Variants in ULK4 observed in about 807,000 individuals in gnomAD.
The protein encoded by ULK4 is inactive serine/threonine-protein kinase ULK4.
In ULK4, 133 loss-of-function variants were observed where a neutral mutation model predicts 160.6. The ratio of observed to expected loss-of-function variants is 0.83; its 90% confidence interval spans 0.72 to 0.96. The LOEUF (loss-of-function observed/expected upper bound fraction) is 0.96, where lower values mean the gene tolerates loss of function less well. Ranked by LOEUF, ULK4 falls within the 40% of genes least tolerant of loss-of-function variation. The pLI, the probability that ULK4 is intolerant of heterozygous loss-of-function variation, is 0.00. For synonymous variants in ULK4, 534 were observed against 539.8 expected (o/e 0.99, Z 0.15); for missense variants, 1,580 against 1,499.5 (o/e 1.05, Z -0.89).
chr3:41,872,866 A>G (rs1305104096), intron 17 of ULK4, among the ~76,000 whole-genome samples: 2 of 152,220 alleles, frequency 1.3e-5, no homozygotes, highest in Non-Finnish European at 2.9e-5. Context: ...AAAAATCAAC[A>G]AACTTCGGCT....
chr3:41,927,216 T>G (rs996508192), intron 5 of ULK4, among the ~76,000 whole-genome samples: 1 of 152,198 alleles, frequency 6.6e-6, no homozygotes, highest in Non-Finnish European at 1.5e-5. Context: ...GAAAAGAATT[T>G]TCAACCCAGA....
intron 21 of ULK4, among the ~76,000 whole-genome samples, chr3:41,754,949 T>C (rs1269604914): frequency 1.3e-5 from 2 of 152,268 alleles, no homozygotes; most frequent in East Asian, 1.9e-4. Flanking sequence ...TTAACAGATA[T>C]AAAGACAATA....
intron 31 of ULK4, among the ~76,000 whole-genome samples, chr3:41,588,227 A>T (rs775430949): frequency 1.3e-5 from 2 of 152,220 alleles, no homozygotes; most frequent in Non-Finnish European, 2.9e-5. Context: ...TACATAGATT[A>T]TCTGACTGAC....
At chr3:41,341,161 G>A (rs941448185) in intron 35 of ULK4, among the ~76,000 whole-genome samples, 3 of 152,194 alleles carry the variant, frequency 2.0e-5, no homozygotes, top group African/African-American at 7.2e-5. Context: ...TAATGTGTGA[G>A]CTAATAATCG....
rs1325507925 is a variant in ULK4, at chr3:41,787,681, GA to G, written c.2193+1979del. On this transcript the variant is annotated intron_variant, in intron 21 of 36. Transcript: ENST00000301831. ...CAATGTGAACATATTTAACACTACT[GA>G]ACTGTACACTTCAAAATGGTTAAAA... Among the ~76,000 whole-genome samples, 6 of 152,238 alleles carry G rather than the reference GA, an allele frequency of 3.9e-5. No individual in the cohort carries two copies. The East Asian group carries it at 1.2e-3, about 29-fold the overall frequency.
At chr3:41,402,949 A>G (rs1401050687) in intron 34 of ULK4, among the ~76,000 whole-genome samples, 1 of 152,118 alleles carries the variant, frequency 6.6e-6, no homozygotes, top group Non-Finnish European at 1.5e-5. Flanking sequence ...TTGGGAGTTC[A>G]AGAGCAGCCT....
chr3:41,711,127 G>C (rs2037080988), intron 25 of ULK4, among the ~76,000 whole-genome samples: 1 of 152,164 alleles, frequency 6.6e-6, no homozygotes, highest in Non-Finnish European at 1.5e-5. Flanking sequence ...CCTTCAGAGG[G>C]ATATCAAATT....
At chr3:41,556,884 A>G (rs941721881) in intron 32 of ULK4, among the ~76,000 whole-genome samples, 15 of 152,220 alleles carry the variant, frequency 9.9e-5, no homozygotes, top group African/African-American at 3.6e-4. Flanking sequence ...TAGCATTAAT[A>G]TTAAAATCTG....
chr3:41,941,350 A>AAAC lies in ULK4; in HGVS notation c.139-3154_139-3153insGTT, dbSNP rs1490132571. Among the ~76,000 whole-genome samples, 7 of 151,072 alleles carry AAAC rather than the reference A, an allele frequency of 4.6e-5. No individual in the cohort carries two copies. The South Asian group carries it at 1.1e-3, about 23-fold the overall frequency. ...ACTGTGCCCAGCTTGAAAAAAAAAA[A>AAAC]AAAAACCTTTTTTTTTAAAGTCACA... On this transcript the variant is annotated intron_variant, in intron 2 of 36. Coordinates refer to ENST00000301831, the MANE Select transcript of ULK4 (RefSeq NM_017886.4).
chr3:41,941,036 CTT>C (rs564613112), intron 2 of ULK4, among the ~76,000 whole-genome samples: 121 of 141,392 alleles, frequency 8.6e-4, no homozygotes, highest in Middle Eastern at 7.4e-3. Flanking sequence ...TGTTCTTAAC[CTT>C]TTTTTTTTTT....
intron 30 of ULK4, among the ~76,000 whole-genome samples, chr3:41,660,151 G>A (rs771637751): frequency 3.9e-5 from 6 of 151,930 alleles, no homozygotes; most frequent in Admixed American, 3.3e-4. Flanking sequence ...ACAAATTAGT[G>A]GGGTGTGGTG....
At chr3:41,402,980 G>T (rs547005162) in intron 34 of ULK4, among the ~76,000 whole-genome samples, 1 of 151,998 alleles carries the variant, frequency 6.6e-6, no homozygotes, top group Non-Finnish European at 1.5e-5. Context: ...GAGAAACCCC[G>T]TCTCTACTGA....
intron 34 of ULK4, among the ~76,000 whole-genome samples, chr3:41,424,809 T>C (rs1276292121): frequency 2.1e-5 from 2 of 96,564 alleles, no homozygotes; most frequent in Admixed American, 2.9e-4. Flanking sequence ...AGCTAGATAA[T>C]CTCACAAAGA....
At chr3:41,289,820 T>C (rs1488372791) in intron 35 of ULK4, among the ~76,000 whole-genome samples, 1 of 137,228 alleles carries the variant, frequency 7.3e-6, no homozygotes, top group Non-Finnish European at 1.6e-5. Context: ...TGTATGTATG[T>C]ATGTATGTAT....
intron 29 of ULK4, among the ~76,000 whole-genome samples, chr3:41,668,487 C>T (rs1222813883): frequency 1.3e-5 from 2 of 152,154 alleles, no homozygotes; most frequent in African/African-American, 4.8e-5. Flanking sequence ...CAGTAACATG[C>T]TGCATAGGTT....
At chr3:41,909,622 T>C (rs1396793524) in intron 11 of ULK4, among the ~76,000 whole-genome samples, 2 of 150,858 alleles carry the variant, frequency 1.3e-5, no homozygotes, top group Non-Finnish European at 3.0e-5. Context: ...GGCTGAGACA[T>C]GAGAATCGCT....
At chr3:41,935,433 G>C (rs1379344261) in intron 4 of ULK4, among the ~76,000 whole-genome samples, 1 of 151,898 alleles carries the variant, frequency 6.6e-6, no homozygotes, top group African/African-American at 2.4e-5. Flanking sequence ...GTTTCACCAT[G>C]TTGGCCAGGA....
chr3:41,895,796 G>A (rs1297595958), intron 15 of ULK4, among the ~76,000 whole-genome samples: 1 of 152,042 alleles, frequency 6.6e-6, no homozygotes, highest in Non-Finnish European at 1.5e-5. Flanking sequence ...TTCGCTAAAT[G>A]ACTGCCCTTA....
chr3:41,609,942 C>G (rs2032587046), intron 31 of ULK4, among the ~76,000 whole-genome samples: 1 of 150,358 alleles, frequency 6.7e-6, no homozygotes, highest in Non-Finnish European at 1.5e-5. Flanking sequence ...CCACTGCATT[C>G]CAGCCTGGGT....
Sources: allele counts gnomAD v4.1 joint callset (sites outside exome capture counted in the v4.1 genomes callset), GRCh38; gene constraint gnomAD v4.1.1; transcripts MANE v1.5; gene names NCBI Gene and HGNC (gene_info 2026-07-23, HGNC 2026-07-21).